Variants in SHISA9 observed in about 807,000 individuals in gnomAD.
The protein encoded by SHISA9 is protein shisa-9.
SHISA9 carries 13 observed loss-of-function variants against 38.0 expected under a neutral mutation model. The observed-to-expected ratio is 0.34, with a 90% CI of 0.22 to 0.54. The LOEUF is 0.54. SHISA9 is among the 20% of genes least tolerant of loss of function. The pLI is 0.91. For missense variants in SHISA9, 538 were observed against 575.8 expected, an observed-to-expected ratio of 0.93 and a Z score of 0.67; for synonymous variants, 275 against 242.0, an observed-to-expected ratio of 1.14 and a Z score of -1.27.
chr16:12,902,905 TG>T (rs2071039984), intron 1 of SHISA9: 1 of 378,270 alleles, frequency 2.6e-6, no homozygotes, highest in African/African-American at 2.1e-5. Flanking sequence ...CTCCTCCCGC[TG>T]GTGACTGAGG....
intron 2 of SHISA9, among the ~76,000 whole-genome samples, chr16:12,969,479 C>T (rs1596555516): frequency 6.6e-6 from 1 of 151,928 alleles, no homozygotes; most frequent in Non-Finnish European, 1.5e-5. Context: ...TGCAGTGGCT[C>T]ACACCTGTAA....
chr16:13,476,758 T>C, the SHISA9 span, among the ~76,000 whole-genome samples: 1 of 126,196 alleles, frequency 7.9e-6, no homozygotes. Flanking sequence ...TTTTTTTTTT[T>C]TTTTTTTTGA....
the SHISA9 span, among the ~76,000 whole-genome samples, chr16:13,450,079 T>G: frequency 6.6e-6 from 1 of 152,094 alleles, no homozygotes; most frequent in East Asian, 1.9e-4. Context: ...ATCGCACCCC[T>G]GCACTCCAAC....
chr16:12,918,553 G>T (rs1455649234), intron 2 of SHISA9, among the ~76,000 whole-genome samples: 1 of 152,178 alleles, frequency 6.6e-6, no homozygotes, highest in African/African-American at 2.4e-5. Flanking sequence ...CTTACATAAG[G>T]CGTTTTCATT....
chr16:13,327,512 A>AGGCT, the SHISA9 span, among the ~76,000 whole-genome samples: 6 of 151,884 alleles, frequency 4.0e-5, no homozygotes, highest in African/African-American at 1.4e-4. Flanking sequence ...GACACTCGGG[A>AGGCT]GACTGAGGCA....
chr16:12,917,296 C>T (rs144796411), intron 2 of SHISA9, among the ~76,000 whole-genome samples: 1 of 152,178 alleles, frequency 6.6e-6, no homozygotes, highest in South Asian at 2.1e-4. Flanking sequence ...AGAATTATGT[C>T]TATTCTTTGT....
rs35316820 is a variant in SHISA9, at chr16:13,113,209, C to CAAAA, written c.692-90164_692-90161dup. Among the ~76,000 whole-genome samples, 495 of 65,176 alleles carry CAAAA rather than the reference C, an allele frequency of 7.6e-3. 10 individuals are homozygous for CAAAA. Among genetic ancestry groups the CAAAA allele is most frequent in the African/African-American group, 0.027 (449 of 16,510 alleles). 42.8% of individuals were successfully genotyped at this position (65,176 alleles called of 152,430 possible). On this transcript the variant is annotated intron_variant, in intron 2 of 4. Coordinates refer to ENST00000558583, the MANE Select transcript of SHISA9 (RefSeq NM_001145204.3). The stretch of plus-strand genomic sequence containing the variant: ...TGGACAACAGAATGAGACTCCATCT[C>CAAAA]AAAAAAAAAAAAAAAAAAAAAAAAT...
chr16:12,950,836 C>T (rs1451745568), intron 2 of SHISA9, among the ~76,000 whole-genome samples: 1 of 151,650 alleles, frequency 6.6e-6, no homozygotes, highest in Middle Eastern at 3.2e-3. Context: ...TCTTGATCTC[C>T]TGACCTTGTG....
chr16:13,539,310 ATATATATAAAGACAGGATCTT>A, the SHISA9 span, among the ~76,000 whole-genome samples: 681 of 51,818 alleles, frequency 0.013, 76 homozygotes, highest in Admixed American at 0.05. Flanking sequence ...TTACATATAT[ATATATATAAAGACAGGATCTT>A]TATATATATA....
chr16:12,984,557 A>C (rs1024549632), intron 2 of SHISA9, among the ~76,000 whole-genome samples: 1 of 152,140 alleles, frequency 6.6e-6, no homozygotes, highest in African/African-American at 2.4e-5. Flanking sequence ...AGCTCTTGTA[A>C]GTGGTTCTTG....
At chr16:12,964,096 C>A (rs1196573393) in intron 2 of SHISA9, among the ~76,000 whole-genome samples, 3 of 152,202 alleles carry the variant, frequency 2.0e-5, no homozygotes, top group Admixed American at 2.0e-4. Flanking sequence ...GAAGTTGGGC[C>A]AGGCCCTAGG....
At chr16:13,410,919 A>G in the SHISA9 span, among the ~76,000 whole-genome samples, 1 of 152,230 alleles carries the variant, frequency 6.6e-6, no homozygotes, top group Non-Finnish European at 1.5e-5. Context: ...TTAATTCAAA[A>G]GAAGCAATTG....
the SHISA9 span, among the ~76,000 whole-genome samples, chr16:13,312,329 G>A: frequency 1.3e-5 from 2 of 152,168 alleles, no homozygotes; most frequent in Admixed American, 6.5e-5. Context: ...AACTGCTCCT[G>A]TAACCCTTCT....
intron 2 of SHISA9, among the ~76,000 whole-genome samples, chr16:13,033,151 C>T (rs779648743): frequency 6.6e-4 from 100 of 152,198 alleles, no homozygotes; most frequent in African/African-American, 1.7e-3. Flanking sequence ...TGGGATTAGC[C>T]GGCTCTAACT....
intron 2 of SHISA9, among the ~76,000 whole-genome samples, chr16:13,074,983 C>T (rs1290658917): frequency 2.0e-5 from 3 of 152,094 alleles, no homozygotes; most frequent in Non-Finnish European, 4.4e-5. Flanking sequence ...ATTTTTATTG[C>T]TAGTTTTCTC....
At chr16:12,997,394 G>T (rs1288584207) in intron 2 of SHISA9, among the ~76,000 whole-genome samples, 1 of 147,258 alleles carries the variant, frequency 6.8e-6, no homozygotes, top group South Asian at 2.1e-4. Flanking sequence ...CATGTTTCCA[G>T]TTTAGGCTTA....
chr16:13,116,118 C>T (rs567100316), intron 2 of SHISA9, among the ~76,000 whole-genome samples: 15 of 152,166 alleles, frequency 9.9e-5, no homozygotes, highest in Non-Finnish European at 1.9e-4. Flanking sequence ...TGGATAGCTC[C>T]TTACTTACTG....
chr16:13,093,255 T>G (rs536715654), intron 2 of SHISA9, among the ~76,000 whole-genome samples: 1 of 152,280 alleles, frequency 6.6e-6, no homozygotes, highest in South Asian at 2.1e-4. Flanking sequence ...GAGAAACTTC[T>G]ATCGTAGATC....
the SHISA9 span, among the ~76,000 whole-genome samples, chr16:13,245,597 T>C: frequency 6.6e-6 from 1 of 152,220 alleles, no homozygotes; most frequent in Non-Finnish European, 1.5e-5. Flanking sequence ...AATTGTGTTT[T>C]ATTTTTCGCC....
Sources: allele counts gnomAD v4.1 joint callset (sites outside exome capture counted in the v4.1 genomes callset), GRCh38; gene constraint gnomAD v4.1.1; transcripts MANE v1.5; gene names NCBI Gene and HGNC (gene_info 2026-07-23, HGNC 2026-07-21).